The following MMP24 variants were observed in gnomAD, a reference collection of about 807,000 sequenced individuals.
The protein encoded by MMP24 is matrix metallopeptidase 24, also known as matrix metalloproteinase-24.
MMP24 carries 25 observed loss-of-function variants against 62.8 expected under a neutral mutation model. The observed-to-expected ratio is 0.40, with a 90% CI of 0.29 to 0.56. The LOEUF is 0.56. Ranked by LOEUF, MMP24 falls within the 20% of genes least tolerant of loss-of-function variation. MMP24 has a pLI of 0.50. For synonymous variants in MMP24, 319 were observed against 350.5 expected (o/e 0.91, Z 1.00); for missense variants, 634 against 853.6 (o/e 0.74, Z 3.21).
At chr20:35,256,581 T>C (rs747143338) in intron 4 of MMP24, among the ~76,000 whole-genome samples, 21 of 151,826 alleles carry the variant, frequency 1.4e-4, no homozygotes, top group Non-Finnish European at 1.0e-4. Flanking sequence ...TAGCCAGGCA[T>C]GTTGGCAGGT....
chr20:35,234,950 G>T lies in MMP24; in HGVS notation c.246+7966G>T, dbSNP rs117333575. Among the ~76,000 whole-genome samples the T allele has an allele frequency of 5.1e-3, 781 of 152,330 alleles. 2 individuals are homozygous for T. Among genetic ancestry groups the T allele is most frequent in the Non-Finnish European group, 7.4e-3 (501 of 68,032 alleles). ...TGGAAAGGTGCATTGGCATCACATTGTAAGGGTTGTTGTGTCATGCTAAAG... is the reference window on the plus strand; with the variant it reads ...TGGAAAGGTGCATTGGCATCACATTTTAAGGGTTGTTGTGTCATGCTAAAG... On this transcript the variant is annotated intron_variant, in intron 1 of 8. Transcript: ENST00000246186.
chr20:35,276,111 G>A lies in MMP24; in HGVS notation c.*1502G>A. Reference sequence around the variant, plus strand: ...ACCCCTGCTCACTGAGCCTGCATGGGCCTTGCCCCCGACCCTGTGGTCTCT... The same window carrying A: ...ACCCCTGCTCACTGAGCCTGCATGGACCTTGCCCCCGACCCTGTGGTCTCT... On this transcript the variant is annotated 3_prime_UTR_variant, in exon 9 of 9. Coordinates refer to ENST00000246186, the MANE Select transcript of MMP24 (RefSeq NM_006690.4). 1 of 398,730 alleles carries A rather than the reference G, an allele frequency of 2.5e-6. No homozygotes were observed. The highest frequency in any genetic ancestry group is 3.6e-5 in the East Asian group (1 of 28,072). The allele number at this position is 398,730 out of a possible 1,614,324, so 24.7% of individuals were successfully genotyped here. A position where few individuals can be genotyped will look rare whatever the true frequency, so the allele number is the denominator to read the frequency against.
At chr20:35,247,667 G>A (rs2060522717) in intron 2 of MMP24, among the ~76,000 whole-genome samples, 1 of 152,208 alleles carries the variant, frequency 6.6e-6, no homozygotes, top group African/African-American at 2.4e-5. Context: ...CAGCCGGAGG[G>A]CAAGAAGCCT....
At chr20:35,272,731 A>C (rs2060678107) in intron 8 of MMP24, among the ~76,000 whole-genome samples, 1 of 152,180 alleles carries the variant, frequency 6.6e-6, no homozygotes, top group African/African-American at 2.4e-5. Context: ...GGTCAAAAAC[A>C]CAGACTCTAG....
chr20:35,267,324 G>T lies in MMP24; in HGVS notation c.1099G>T (p.Gly367Trp), dbSNP rs1472659857. The T allele has an allele frequency of 1.3e-6, 2 of 1,589,850 alleles. No individual in the cohort carries two copies. Among genetic ancestry groups the T allele is most frequent in the East Asian group, 4.6e-5 (2 of 43,308 alleles). ...GCCCAGGCCCCCTCGGCCGCCCCTC[G>T]GGGACCGGCCATCCACACCAGGCAC... is the stretch of plus-strand genomic sequence containing the variant. Reference protein sequence around the residue: ...RQPRPPRPPLGDRPSTPGTKP... With the variant: ...RQPRPPRPPLWDRPSTPGTKP... Residue 367 changes from glycine to tryptophan, a missense_variant, in exon 6 of 9, where the codon GGG becomes TGG. Gly to Trp is a radical substitution (Grantham distance 184, BLOSUM62 -2). This residue lies in a region of MMP24 where 399 missense variants were observed against 530.8 expected (regional missense o/e 0.75). Transcript: ENST00000246186.
At position 35,276,398 on chromosome 20, in the gene MMP24, C is replaced by T. The variant is rs1479003222; in HGVS notation, c.*1789C>T. 1 of 398,382 alleles carries T rather than the reference C, an allele frequency of 2.5e-6. No homozygotes were observed. Among genetic ancestry groups the T allele is most frequent in the Non-Finnish European group, 4.4e-6 (1 of 225,988 alleles). 24.7% of individuals were successfully genotyped at this position (398,382 alleles called of 1,614,324 possible). Reference sequence around the variant, plus strand: ...TTATTAGCTCACACCTGTCCACTCACATGAAACTCGTGTTAGGCCCTGGGA... The same window carrying T: ...TTATTAGCTCACACCTGTCCACTCATATGAAACTCGTGTTAGGCCCTGGGA... On this transcript the variant is annotated 3_prime_UTR_variant, in exon 9 of 9. Coordinates refer to ENST00000246186, the MANE Select transcript of MMP24 (RefSeq NM_006690.4).
chr20:35,266,782 A>C (rs1332016147), intron 5 of MMP24, among the ~76,000 whole-genome samples: 1 of 152,146 alleles, frequency 6.6e-6, no homozygotes, highest in Non-Finnish European at 1.5e-5. Flanking sequence ...TGCTTATTAA[A>C]GTCTGAGTCA....
rs759722932 is a variant in MMP24, at chr20:35,269,736, T to C, written c.1195-24T>C. 1 of 1,559,774 alleles carries C rather than the reference T, an allele frequency of 6.4e-7. No individual in the cohort carries two copies. Among genetic ancestry groups the C allele is most frequent in the South Asian group, 1.2e-5 (1 of 84,400 alleles). On this transcript the variant is annotated intron_variant, in intron 6 of 8. Transcript: ENST00000246186. This position sits in a 1 kb window ranked among gnomAD's most constrained non-coding sequence, Gnocchi z 4.6. ...GGAGGCAGGGCCTGACACACCTCTC[T>C]CCCCCTCTCCCGCTTCCTCCCAGGA...
chr20:35,235,558 C>T (rs1005901044), intron 1 of MMP24, among the ~76,000 whole-genome samples: 2 of 151,880 alleles, frequency 1.3e-5, no homozygotes, highest in Non-Finnish European at 2.9e-5. Flanking sequence ...ATTAGCTGAG[C>T]GTGGTGGTGG....
intron 1 of MMP24, among the ~76,000 whole-genome samples, chr20:35,244,998 A>G (rs1044395386): frequency 6.6e-6 from 1 of 152,056 alleles, no homozygotes; most frequent in Non-Finnish European, 1.5e-5. Context: ...CATTTTCGAG[A>G]ATAGGACAAT....
chr20:35,271,503 C>A lies in MMP24; in HGVS notation c.1334-66C>A. 1 of 1,558,210 alleles carries A rather than the reference C, an allele frequency of 6.4e-7. No homozygotes were observed. Among genetic ancestry groups the A allele is most frequent in the Admixed American group, 1.8e-5 (1 of 54,748 alleles). ...GGCATCAGACTGTTTTCACCTGACA[C>A]CCTGAAGATGGGCAAACGGCACTGA... On this transcript the variant is annotated intron_variant, in intron 7 of 8. Transcript: ENST00000246186. This position sits in a 1 kb window ranked among gnomAD's most constrained non-coding sequence, Gnocchi z 4.0.
intron 6 of MMP24, 94 bp downstream of exon 6, chr20:35,267,513 T>C (rs1190413190): frequency 1.5e-6 from 2 of 1,326,866 alleles, no homozygotes; most frequent in Non-Finnish European, 2.1e-6. Context: ...TGATTTGGGA[T>C]TCGATTACAA....
chr20:35,238,956 C>T (rs2060475832), intron 1 of MMP24, among the ~76,000 whole-genome samples: 2 of 152,184 alleles, frequency 1.3e-5, no homozygotes, highest in Non-Finnish European at 2.9e-5. Context: ...CCCACTGCAG[C>T]CTCCAACTCC....
chr20:35,274,091 G>A lies in MMP24; in HGVS notation c.1601-181G>A, dbSNP rs901814339. 1.4e-4 allele frequency among the ~76,000 whole-genome samples: 21 copies of A among 152,126 alleles called. No homozygotes were observed. The highest frequency in any genetic ancestry group is 3.3e-4 in the Admixed American group (5 of 15,270). On this transcript the variant is annotated intron_variant, in intron 8 of 8. Coordinates refer to ENST00000246186, the MANE Select transcript of MMP24 (RefSeq NM_006690.4). This position sits in a 1 kb window ranked among gnomAD's most constrained non-coding sequence, Gnocchi z 5.1. ...TAGGATGACAGGCGGACCACTCCAG[G>A]TCCCGGGTGCCCCCCTCTGCAGCTT...
chr20:35,235,322 T>C (rs1444704734), intron 1 of MMP24, among the ~76,000 whole-genome samples: 1 of 152,154 alleles, frequency 6.6e-6, no homozygotes, highest in Non-Finnish European at 1.5e-5. Flanking sequence ...GAGGATTGCT[T>C]GAGCCCAAGA....
At chr20:35,251,788 T>A (rs1351356069) in intron 2 of MMP24, 117 bp from the exon 3 acceptor site, 1 of 762,586 alleles carries the variant, frequency 1.3e-6, no homozygotes, top group East Asian at 2.6e-5. Flanking sequence ...GGTCCCAGAG[T>A]GTAGCTTGAG....
At chr20:35,250,549 C>A (rs1285613399) in intron 2 of MMP24, among the ~76,000 whole-genome samples, 8 of 147,732 alleles carry the variant, frequency 5.4e-5, no homozygotes. Context: ...GGCAACAGAG[C>A]GAGACTCTGT....
intron 4 of MMP24, among the ~76,000 whole-genome samples, chr20:35,258,002 T>G (rs2060583246): frequency 6.6e-6 from 1 of 152,208 alleles, no homozygotes; most frequent in East Asian, 1.9e-4. Context: ...GGGTGGAGTT[T>G]CCTGGGAACT....
chr20:35,241,050 G>A (rs2060486035), intron 1 of MMP24, among the ~76,000 whole-genome samples: 2 of 152,204 alleles, frequency 1.3e-5, no homozygotes, highest in African/African-American at 2.4e-5. Context: ...CTTGAAGGAT[G>A]AGTAGGAGTT....
Sources: gnomAD v4.1 joint callset for allele counts (sites outside exome capture counted in the v4.1 genomes callset) on GRCh38, gnomAD v4.1.1 for gene constraint, gnomAD v4.1.1 regional missense constraint, Gnocchi (gnomAD v3.1) non-coding constraint, MANE v1.5 for transcripts, NCBI Gene and HGNC (gene_info 2026-07-23, HGNC 2026-07-21) for gene names.